PCDHA7: variants seen among roughly 807,000 people sequenced by gnomAD.
The protein encoded by PCDHA7 is protocadherin alpha-7.
Under a neutral mutation model 57.2 loss-of-function variants are expected in PCDHA7, and 37 were observed. The ratio of observed to expected loss-of-function variants is 0.65; its 90% confidence interval spans 0.50 to 0.85. The LOEUF (loss-of-function observed/expected upper bound fraction) is 0.85. Ranked by LOEUF, PCDHA7 falls within the 40% of genes least tolerant of loss-of-function variation. PCDHA7 has a pLI of 0.00. For synonymous variants in PCDHA7, 553 were observed against 558.8 expected (o/e 0.99, Z 0.15); for missense variants, 1,188 against 1,241.8 (o/e 0.96, Z 0.65).
chr5:140,842,854 C>T, intron 1 of PCDHA7: 1 of 1,594,004 alleles, frequency 6.3e-7, no homozygotes, highest in South Asian at 1.1e-5. Context: ...TTTCGGTGCA[C>T]ACGGAGAGCG....
At chr5:140,885,073 T>TA (rs1196857475) in intron 1 of PCDHA7, among the ~76,000 whole-genome samples, 2 of 152,226 alleles carry the variant, frequency 1.3e-5, no homozygotes, top group African/African-American at 4.8e-5. Context: ...GATATTATTT[T>TA]AAAGAGCCCC....
intron 1 of PCDHA7, among the ~76,000 whole-genome samples, chr5:140,920,387 A>C (rs1163833842): frequency 6.6e-6 from 1 of 152,216 alleles, no homozygotes; most frequent in East Asian, 1.9e-4. Flanking sequence ...TCATATTACC[A>C]TCTGGTGTCT....
chr5:140,904,555 C>CT (rs569725486), intron 1 of PCDHA7, among the ~76,000 whole-genome samples: 13 of 151,744 alleles, frequency 8.6e-5, no homozygotes, highest in Middle Eastern at 3.4e-3. Flanking sequence ...CATATAATGA[C>CT]TTTTTTTTCC....
At chr5:140,843,615 C>T (rs111750019) in intron 1 of PCDHA7, 2 of 1,595,902 alleles carry the variant, frequency 1.3e-6, no homozygotes, top group Non-Finnish European at 1.7e-6. Flanking sequence ...GAGGGGCCAC[C>T]GAAGACGGAC....
intron 3 of PCDHA7, among the ~76,000 whole-genome samples, chr5:140,996,029 C>T (rs915903807): frequency 6.6e-6 from 1 of 152,184 alleles, no homozygotes; most frequent in Admixed American, 6.5e-5. Context: ...GTTTAATGCT[C>T]CTAGCACTTA....
At chr5:140,960,299 A>G (rs246005) in intron 1 of PCDHA7, among the ~76,000 whole-genome samples, 1 of 151,808 alleles carries the variant, frequency 6.6e-6, no homozygotes. Flanking sequence ...TTTCTTCATC[A>G]ATACCAACCT....
At chr5:140,990,492 A>G (rs533006418) in intron 3 of PCDHA7, among the ~76,000 whole-genome samples, 1 of 152,308 alleles carries the variant, frequency 6.6e-6, no homozygotes, top group South Asian at 2.1e-4. Flanking sequence ...TAGTGAGGTG[A>G]CATTCCCCAA....
intron 1 of PCDHA7, chr5:140,861,434 CA>C: frequency 4.1e-6 from 2 of 489,520 alleles, no homozygotes; most frequent in Non-Finnish European, 4.2e-6. Context: ...AGTTGGATTC[CA>C]AAAGCCGCAG....
At chr5:140,942,876 T>C (rs2093384814) in intron 1 of PCDHA7, among the ~76,000 whole-genome samples, 1 of 152,052 alleles carries the variant, frequency 6.6e-6, no homozygotes, top group Non-Finnish European at 1.5e-5. Context: ...GCATGACAAC[T>C]TTTTTCCTAA....
rs189065461 is a variant in PCDHA7, at chr5:140,869,908, C to A, written c.2355+33170C>A. ...TGTGCTCAAACTAAACGCCACAGACCGAGACGAAGGAGTCAATGGAGAGGT... is the reference window on the plus strand; with the variant it reads ...TGTGCTCAAACTAAACGCCACAGACAGAGACGAAGGAGTCAATGGAGAGGT... On this transcript the variant is annotated intron_variant, in intron 1 of 3. Coordinates refer to ENST00000525929, the MANE Select transcript of PCDHA7 (RefSeq NM_018910.3). 6.2e-6 allele frequency: 10 copies of A among 1,610,646 alleles called. No homozygotes were observed. In the Admixed American group the frequency reaches 6.7e-5, roughly 11 times the overall value.
At chr5:140,893,498 A>G (rs1471386820) in intron 1 of PCDHA7, among the ~76,000 whole-genome samples, 2 of 151,410 alleles carry the variant, frequency 1.3e-5, no homozygotes, top group Admixed American at 6.6e-5. Flanking sequence ...CACAAAAAAG[A>G]AAAAAAAAGC....
chr5:140,876,928 A>G lies in PCDHA7; in HGVS notation c.2355+40190A>G, dbSNP rs188405716. On this transcript the variant is annotated intron_variant, in intron 1 of 3. Coordinates refer to ENST00000525929, the MANE Select transcript of PCDHA7 (RefSeq NM_018910.3). ...GTCGGCATGGGACGCGGACGCGCAG[A>G]AGAACGCGCTGGTGTCCTACTCGCT... The G allele has an allele frequency of 1.9e-5, 31 of 1,613,808 alleles. No individual in the cohort carries two copies. In the African/African-American group the frequency reaches 2.4e-4, roughly 12 times the overall value.
rs2150233452 is a variant in PCDHA7 at position 140,835,299 on chromosome 5, G to A, written c.916G>A (p.Gly306Arg). 44 of 1,612,788 alleles carry A rather than the reference G, an allele frequency of 2.7e-5. No homozygotes were observed. The East Asian group carries it at 6.0e-4, about 22-fold the overall frequency. Residue 306 changes from glycine to arginine, a missense_variant, in exon 1 of 4, where the codon GGA (glycine) becomes AGA (arginine). Around this residue, in one of 3 missense-constraint regions of PCDHA7, gnomAD observed 102 missense variants for 267.4 expected, o/e 0.38. Transcript: ENST00000525929. ...CTTAAGTGGGGCAATCACAGTGATA[G>A]GACATATGGATTTTGAAGAAAGTAG... ...DPLSGAITVIGHMDFEESRAH... is the reference protein window; with the variant it reads ...DPLSGAITVIRHMDFEESRAH...
intron 1 of PCDHA7, among the ~76,000 whole-genome samples, chr5:140,917,003 A>C (rs2077823052): frequency 6.6e-6 from 1 of 151,818 alleles, no homozygotes; most frequent in Non-Finnish European, 1.5e-5. Flanking sequence ...CTGTTCCAAA[A>C]TCTCCCTTCA....
Position 140,882,921 on chromosome 5 carries a change from G to A in PCDHA7, c.2355+46183G>A, listed in dbSNP as rs1554176106. ...TTATTACTGACAGCCAGTGATGGAG[G>A]TAAACCCGAGCTGACTGGCACAGTT... On this transcript the variant is annotated intron_variant, in intron 1 of 3. Coordinates refer to ENST00000525929, the MANE Select transcript of PCDHA7 (RefSeq NM_018910.3). 5.0e-6 allele frequency: 8 copies of A among 1,614,194 alleles called. No individual in the cohort carries two copies. Among genetic ancestry groups the A allele is most frequent in the Non-Finnish European group, 6.8e-6 (8 of 1,180,048 alleles).
Position 140,884,639 on chromosome 5 carries a change from G to A in PCDHA7, c.2355+47901G>A, listed in dbSNP as rs781835096. ...TGCAGAGGGAACAGGCCAGAGGGAG[G>A]AGGACTCAGAATGCTTGAAAGAGGT... On this transcript the variant is annotated intron_variant, in intron 1 of 3. Coordinates refer to ENST00000525929, the MANE Select transcript of PCDHA7 (RefSeq NM_018910.3). 55 of 1,610,606 alleles carry A rather than the reference G, an allele frequency of 3.4e-5. No homozygotes were observed. The South Asian group carries it at 5.6e-4, about 16-fold the overall frequency.
chr5:140,982,677 C>T, intron 3 of PCDHA7, 114 bp downstream of exon 3: 1 of 1,439,238 alleles, frequency 6.9e-7, no homozygotes, highest in Non-Finnish European at 9.1e-7. Flanking sequence ...TTTTGTTATT[C>T]CCTTTTTTCC....
chr5:140,934,611 C>T (rs1346764744), intron 1 of PCDHA7, among the ~76,000 whole-genome samples: 2 of 151,950 alleles, frequency 1.3e-5, no homozygotes, highest in Non-Finnish European at 2.9e-5. Context: ...TTTGATTAGC[C>T]TGAGGTACAG....
chr5:140,946,791 T>C (rs1019495660), intron 1 of PCDHA7, among the ~76,000 whole-genome samples: 4 of 151,326 alleles, frequency 2.6e-5, no homozygotes, highest in Non-Finnish European at 4.4e-5. Flanking sequence ...GCTGATCTTA[T>C]AGAAGCAGAG....
Sources: allele counts gnomAD v4.1 joint callset (sites outside exome capture counted in the v4.1 genomes callset), GRCh38; gene constraint gnomAD v4.1.1; regional missense constraint gnomAD v4.1.1; transcripts MANE v1.5; gene names NCBI Gene and HGNC (gene_info 2026-07-23, HGNC 2026-07-21).